ZNF507: variants seen among roughly 807,000 people sequenced by gnomAD.
The protein encoded by ZNF507 is zinc finger protein 507.
Under a neutral mutation model 80.0 loss-of-function variants are expected in ZNF507, and 29 were observed. The ratio of observed to expected loss-of-function variants is 0.36; its 90% CI spans 0.27 to 0.49. ZNF507 has a LOEUF of 0.49. ZNF507 is among the 20% of genes least tolerant of loss of function. The probability of loss-of-function intolerance (pLI) is 0.98; values close to 1 mark genes in which losing one functional copy is unlikely to be tolerated. For synonymous variants in ZNF507, 462 were observed against 422.5 expected (o/e 1.09, Z -1.15); for missense variants, 1,081 against 1,152.2 (o/e 0.94, Z 0.90).
chr19:32,354,904 T>C lies in ZNF507; in HGVS notation c.2074T>C (p.Cys692Arg), dbSNP rs1967231137. 6.2e-7 allele frequency: 1 copy of C among 1,613,950 alleles called. No homozygotes were observed. Among genetic ancestry groups the C allele is most frequent in the Non-Finnish European group, 8.5e-7 (1 of 1,179,996 alleles). The change falls in exon 3 of 7, where the codon TGT (cysteine) becomes CGT (arginine). Residue 692 changes from cysteine to arginine, a missense_variant. Physicochemically the swap from Cys to Arg is radical, Grantham distance 180. This residue lies in a region of ZNF507 where 614 missense variants were observed against 583.9 expected (regional missense o/e 1.05). Transcript: ENST00000355898. ...KDLESHMIHHCKTRIYQCKQC... is the reference protein window; with the variant it reads ...KDLESHMIHHRKTRIYQCKQC... The stretch of plus-strand genomic sequence containing the variant: ...TTTGGAGAGTCACATGATCCACCAC[T>C]GTAAGACAAGAATATACCAGTGCAA...
Position 32,382,743 on chromosome 19 carries a change from C to T in ZNF507, c.2522C>T (p.Thr841Ile), listed in dbSNP as rs1273520115. The change falls in exon 7 of 7, where the codon ACT becomes ATT. Residue 841 changes from threonine to isoleucine, a missense_variant. Physicochemically the swap from Thr to Ile is moderately conservative, Grantham distance 89. Coordinates refer to ENST00000355898, the MANE Select transcript of ZNF507 (RefSeq NM_001136156.2). ...GRVLGKSPGK[T>I]QLKSSEESAD... ...GTTCTGGGGAAATCCCCTGGAAAGA[C>T]TCAATTAAAGAGCAGTGAAGAGAGT... 1.2e-6 allele frequency: 2 copies of T among 1,612,962 alleles called. No homozygotes were observed. Among genetic ancestry groups the T allele is most frequent in the South Asian group, 2.2e-5 (2 of 90,992 alleles).
At position 32,386,800 on chromosome 19, in the gene ZNF507, C is replaced by T. The variant is rs1967695915; in HGVS notation, c.*3717C>T. 6.6e-6 allele frequency: 1 copy of T among 152,486 alleles called. No homozygotes were observed. 9.4% of individuals were successfully genotyped at this position (152,486 alleles called of 1,614,324 possible). A position where few individuals can be genotyped will look rare whatever the true frequency, so the allele number is the denominator to read the frequency against. On this transcript the variant is annotated 3_prime_UTR_variant, in exon 7 of 7. Coordinates refer to ENST00000355898, the MANE Select transcript of ZNF507 (RefSeq NM_001136156.2). ...TTTATTTTGCTTTACAGGAGTTTGTCATGTATTGACTTTAATATTGTATTT... is the reference window on the plus strand; with the variant it reads ...TTTATTTTGCTTTACAGGAGTTTGTTATGTATTGACTTTAATATTGTATTT...
intron 2 of ZNF507, among the ~76,000 whole-genome samples, chr19:32,352,423 G>T (rs1239560351): frequency 6.6e-6 from 1 of 151,568 alleles, no homozygotes; most frequent in Non-Finnish European, 1.5e-5. Flanking sequence ...AACTGGAGGG[G>T]TTTCACATGC....
intron 5 of ZNF507, among the ~76,000 whole-genome samples, chr19:32,377,579 G>A (rs2145341857): frequency 6.6e-6 from 1 of 152,234 alleles, no homozygotes; most frequent in Middle Eastern, 3.4e-3. Context: ...CGTGCCCTCG[G>A]TCTCTTGCCT....
At chr19:32,356,524 G>T (rs2145320261) in intron 3 of ZNF507, 92 bp from the exon 4 acceptor site, 1 of 805,214 alleles carries the variant, frequency 1.2e-6, no homozygotes, top group Non-Finnish European at 2.1e-6. Flanking sequence ...GTTGTACTAG[G>T]CCATGAAAGC....
At chr19:32,356,490 C>CT in intron 3 of ZNF507, 126 bp from the exon 4 acceptor site, 1 of 641,000 alleles carries the variant, frequency 1.6e-6, no homozygotes, top group East Asian at 2.7e-5. Context: ...CTTTAGCAGA[C>CT]TTGATTTTAA....
intron 5 of ZNF507, among the ~76,000 whole-genome samples, chr19:32,373,607 G>A (rs58113956): frequency 0.013 from 2,047 of 152,200 alleles, 25 homozygotes; most frequent in Admixed American, 0.025. Context: ...CTTTTTGGCC[G>A]CCATAACTTC....
chr19:32,354,418 C>A lies in ZNF507; in HGVS notation c.1588C>A (p.Gln530Lys), dbSNP rs754971830. The A allele has an allele frequency of 1.9e-6, 3 of 1,614,048 alleles. No individual in the cohort carries two copies. Among genetic ancestry groups the A allele is most frequent in the South Asian group, 1.1e-5 (1 of 91,066 alleles). ...DINLLDPDTS[Q>K]RQVDSTLAAY... ...AAACCTTTTAGATCCAGATACTAGTCAAAGGCAAGTAGATAGTACATTGGC... is the reference window on the plus strand; with the variant it reads ...AAACCTTTTAGATCCAGATACTAGTAAAAGGCAAGTAGATAGTACATTGGC... Residue 530 changes from glutamine (Q) to lysine (K), a missense_variant, in exon 3 of 7, where the codon CAA becomes AAA. This residue lies in a region of ZNF507 where 614 missense variants were observed against 583.9 expected (regional missense o/e 1.05). Coordinates refer to ENST00000355898, the MANE Select transcript of ZNF507 (RefSeq NM_001136156.2).
chr19:32,351,470 TG>T (rs1568301906), intron 2 of ZNF507, among the ~76,000 whole-genome samples: 35 of 102,580 alleles, frequency 3.4e-4, no homozygotes, highest in South Asian at 1.4e-3. Flanking sequence ...TGTGTGTGTG[TG>T]GCGTGGGGGG....
chr19:32,347,715 C>T (rs1967114639), intron 2 of ZNF507, among the ~76,000 whole-genome samples: 1 of 151,920 alleles, frequency 6.6e-6, no homozygotes. Flanking sequence ...ACCTCATGGG[C>T]AAGGATTTCC....
At chr19:32,370,106 G>A (rs950792385) in intron 5 of ZNF507, among the ~76,000 whole-genome samples, 11 of 152,254 alleles carry the variant, frequency 7.2e-5, no homozygotes, top group African/African-American at 2.2e-4. Flanking sequence ...GCGTGCATAC[G>A]TGTGTGCGCA....
chr19:32,375,679 G>A (rs1967537270), intron 5 of ZNF507, among the ~76,000 whole-genome samples: 1 of 152,138 alleles, frequency 6.6e-6, no homozygotes, highest in African/African-American at 2.4e-5. Flanking sequence ...GCAAAATGCC[G>A]ACAATCAGTT....
At chr19:32,366,328 G>C (rs563063684) in intron 5 of ZNF507, among the ~76,000 whole-genome samples, 58 of 152,254 alleles carry the variant, frequency 3.8e-4, no homozygotes, top group African/African-American at 1.3e-3. Flanking sequence ...ACCATTATGA[G>C]CTCTTCAGCA....
chr19:32,355,701 G>A (rs904876371), intron 3 of ZNF507, among the ~76,000 whole-genome samples: 1 of 152,130 alleles, frequency 6.6e-6, no homozygotes, highest in African/African-American at 2.4e-5. Flanking sequence ...CTAGGAGGTA[G>A]ACTTTTTCCC....
chr19:32,368,678 A>G (rs1967431206), intron 5 of ZNF507, among the ~76,000 whole-genome samples: 1 of 152,230 alleles, frequency 6.6e-6, no homozygotes, highest in African/African-American at 2.4e-5. Context: ...AAAAATATAT[A>G]TTTTGTTTTG....
intron 1 of ZNF507, among the ~76,000 whole-genome samples, chr19:32,346,632 T>A (rs1337713358): frequency 6.6e-6 from 1 of 152,184 alleles, no homozygotes; most frequent in Non-Finnish European, 1.5e-5. Flanking sequence ...CCTAAAGATG[T>A]TTTTTCTGCC....
intron 5 of ZNF507, among the ~76,000 whole-genome samples, chr19:32,376,279 ATATT>A (rs1489764587): frequency 6.6e-6 from 1 of 152,086 alleles, no homozygotes; most frequent in African/African-American, 2.4e-5. Context: ...TTTTTCCTAT[ATATT>A]TCTAATTTTC....
chr19:32,373,903 T>C lies in ZNF507; in HGVS notation c.2361-8564T>C, dbSNP rs1471460358. ...GAGATAAGGATGCAGCATAACTACATGTTTTGCTGTCGGGAAGTGAACTGC... is the reference window on the plus strand; with the variant it reads ...GAGATAAGGATGCAGCATAACTACACGTTTTGCTGTCGGGAAGTGAACTGC... On this transcript the variant is annotated intron_variant, in intron 5 of 6. Transcript: ENST00000355898. Among the ~76,000 whole-genome samples, 4 of 152,190 alleles carry C rather than the reference T, an allele frequency of 2.6e-5. No homozygotes were observed. The East Asian group carries it at 7.7e-4, about 29-fold the overall frequency.
intron 2 of ZNF507, among the ~76,000 whole-genome samples, chr19:32,349,610 C>G (rs1375656572): frequency 6.6e-6 from 1 of 152,154 alleles, no homozygotes; most frequent in Admixed American, 6.6e-5. Flanking sequence ...GATACTTTGC[C>G]TTGCGCCTTG....
Sources: gnomAD v4.1 joint callset for allele counts (sites outside exome capture counted in the v4.1 genomes callset) on GRCh38, gnomAD v4.1.1 for gene constraint, gnomAD v4.1.1 regional missense constraint, MANE v1.5 for transcripts, NCBI Gene and HGNC (gene_info 2026-07-23, HGNC 2026-07-21) for gene names.